Variants in TARS2 observed in about 807,000 individuals in gnomAD.
TARS2 encodes the protein threonyl-tRNA synthetase 2, mitochondrial.
In TARS2, 61 loss-of-function variants were observed where a neutral mutation model predicts 94.4. The observed-to-expected ratio is 0.65, with a 90% CI of 0.53 to 0.80. TARS2 has a LOEUF of 0.80. Among genes scored for constraint, TARS2 ranks in the 30% least tolerant of loss-of-function variants. TARS2 has a pLI of 0.00. For missense variants in TARS2, 704 were observed against 902.5 expected, an observed-to-expected ratio of 0.78 and a Z score of 2.82; for synonymous variants, 359 against 353.4, an observed-to-expected ratio of 1.02 and a Z score of -0.18.
At chr1:150,499,916 T>C (rs1039367399) in intron 13 of TARS2, among the ~76,000 whole-genome samples, 1 of 151,638 alleles carries the variant, frequency 6.6e-6, no homozygotes, top group African/African-American at 2.4e-5. Context: ...AAAGATGTGT[T>C]TCAGGAGGGA....
intron 7 of TARS2, among the ~76,000 whole-genome samples, chr1:150,495,185 G>GA (rs1391949722): frequency 2.0e-4 from 25 of 123,862 alleles, no homozygotes; most frequent in Middle Eastern, 4.5e-3. Flanking sequence ...CTCAAAAAAA[G>GA]AAAAAAAAAA....
intron 10 of TARS2, among the ~76,000 whole-genome samples, chr1:150,498,021 A>C (rs1018785652): frequency 3.4e-5 from 5 of 149,224 alleles, no homozygotes; most frequent in African/African-American, 1.2e-4. Flanking sequence ...TGAACCCAGG[A>C]GGTGGAGCTT....
In TARS2 at chr1:150,497,543, A is replaced by C; in HGVS notation, c.1034A>C (p.His345Pro). The C allele has an allele frequency of 6.2e-7, 1 of 1,614,082 alleles. No homozygotes were observed. Among genetic ancestry groups the C allele is most frequent in the Non-Finnish European group, 8.5e-7 (1 of 1,180,008 alleles). Residue 345 changes from histidine (H) to proline (P), a missense_variant, in exon 10 of 18, where the codon CAT (histidine) becomes CCT (proline). By Grantham distance (77) the His-to-Pro change is moderately conservative. Transcript: ENST00000369064. ...CCTCCTCTCCAGGCTGAGTATGCCCATCGTGGTTTCTCCGAGGTGAAAACT... is the reference window on the plus strand; with the variant it reads ...CCTCCTCTCCAGGCTGAGTATGCCCCTCGTGGTTTCTCCGAGGTGAAAACT... ...LVAFIRAEYA[H>P]RGFSEVKTPT...
At position 150,492,809 on chromosome 1, in the gene TARS2, C is replaced by CAAAAA. The variant is rs750302051; in HGVS notation, c.774+335_774+339dup. 8.9e-5 allele frequency among the ~76,000 whole-genome samples: 6 copies of CAAAAA among 67,276 alleles called. 1 individual carries two copies. Among genetic ancestry groups the CAAAAA allele is most frequent in the Non-Finnish European group, 1.5e-4 (5 of 33,780 alleles). The allele number at this position is 67,276 out of a possible 152,430, so 44.1% of individuals were successfully genotyped here. On this transcript the variant is annotated intron_variant, in intron 7 of 17. Coordinates refer to ENST00000369064, the MANE Select transcript of TARS2 (RefSeq NM_025150.5). Reference sequence around the variant, plus strand: ...TGGGCAACAGAGCGAGAGTCCATCTCAAAAAAAAAAAAAAAAAAATTCCTG... The same window carrying CAAAAA: ...TGGGCAACAGAGCGAGAGTCCATCTCAAAAAAAAAAAAAAAAAAAAAAAATTCCTG...
chr1:150,498,519 G>C lies in TARS2; in HGVS notation c.1256G>C (p.Arg419Pro), dbSNP rs201748553. The C allele has an allele frequency of 1.3e-6, 2 of 1,585,682 alleles. No homozygotes were observed. The highest frequency in any genetic ancestry group is 1.7e-6 in the Non-Finnish European group (2 of 1,169,326). The change falls in exon 11 of 18, where the codon CGG (arginine) becomes CCG (proline). Residue 419 changes from arginine (R) to proline (P), a missense_variant. Physicochemically the swap from Arg to Pro is moderately radical, Grantham distance 103. Transcript: ENST00000369064. ...AACCTCAGCCTGATGTTCGCCCACC[G>C]GCCCAGATCCTGGCGGGAACTGCCC... ...CPAHCLMFAHRPRSWRELPLR... is the reference protein window; with the variant it reads ...CPAHCLMFAHPPRSWRELPLR...
intron 2 of TARS2, chr1:150,488,659 G>T: frequency 4.0e-6 from 1 of 252,646 alleles, no homozygotes; most frequent in Non-Finnish European, 7.7e-6. Flanking sequence ...CTTTGTGTTG[G>T]GACTATTTCA....
At chr1:150,503,902 C>CAA (rs1285986585) in intron 13 of TARS2, among the ~76,000 whole-genome samples, 7 of 63,746 alleles carry the variant, frequency 1.1e-4, no homozygotes, top group East Asian at 5.1e-4. Context: ...GACTCTGTCT[C>CAA]AAAAAAAAAA....
intron 13 of TARS2, among the ~76,000 whole-genome samples, chr1:150,503,631 A>ACG (rs1560257526): frequency 1.4e-4 from 11 of 79,576 alleles, no homozygotes; most frequent in African/African-American, 3.6e-4. Flanking sequence ...GTGTGTATAT[A>ACG]TGTGTGTGTA....
intron 13 of TARS2, among the ~76,000 whole-genome samples, chr1:150,503,555 G>A (rs1475100695): frequency 0.024 from 2,259 of 94,536 alleles, 80 homozygotes; most frequent in African/African-American, 0.083. Context: ...ATGTGTGTGT[G>A]TGTGTGTGTG....
rs1669479548 is a variant in TARS2 at position 150,493,088 on chromosome 1, G to A, written c.774+599G>A. Among the ~76,000 whole-genome samples the A allele has an allele frequency of 2.0e-5, 3 of 152,022 alleles. No individual in the cohort carries two copies. The South Asian group carries it at 6.2e-4, about 32-fold the overall frequency. On this transcript the variant is annotated intron_variant, in intron 7 of 17. Coordinates refer to ENST00000369064, the MANE Select transcript of TARS2 (RefSeq NM_025150.5). ...AGTAGAGACAGGGTTTCACCATGTT[G>A]GCCAGGGTGATCTCAAGTGATCTTC... is the stretch of plus-strand genomic sequence containing the variant.
Position 150,506,962 on chromosome 1 carries a change from T to G in TARS2, c.2055T>G (p.Thr685=), listed in dbSNP as rs752411440. The change falls in exon 18 of 18, where the codon ACT becomes ACG. Residue 685 remains threonine, a synonymous_variant. Transcript: ENST00000369064. Reference sequence around the variant, plus strand: ...GTAAGAGAACAGTGAACATTCGGACTCGAGATAATCGTCGCCTTGGGGAGT... The same window carrying G: ...GTAAGAGAACAGTGAACATTCGGACGCGAGATAATCGTCGCCTTGGGGAGT... ...EQSKRTVNIR[T]RDNRRLGEWD... 2 of 1,614,126 alleles carry G rather than the reference T, an allele frequency of 1.2e-6. No individual in the cohort carries two copies. Among genetic ancestry groups the G allele is most frequent in the Admixed American group, 1.7e-5 (1 of 60,008 alleles).
chr1:150,494,271 G>T (rs951936913), intron 7 of TARS2, among the ~76,000 whole-genome samples: 1 of 151,532 alleles, frequency 6.6e-6, no homozygotes, highest in African/African-American at 2.4e-5. Flanking sequence ...AAAGGCTGAG[G>T]CAGGAGAGTC....
rs780971130 is a variant in TARS2, at chr1:150,499,307, C to G, written c.1617+14C>G. 1.2e-6 allele frequency: 2 copies of G among 1,612,782 alleles called. No homozygotes were observed. Among genetic ancestry groups the G allele is most frequent in the Admixed American group, 1.7e-5 (1 of 59,902 alleles). On this transcript the variant is annotated intron_variant, in intron 13 of 17. Transcript: ENST00000369064. ...TATGGACCTAAGGTAAGCTTGGGAC[C>G]CTGGTTAGTGTTGTATTTATTTATT...
chr1:150,504,942 C>A lies in TARS2; in HGVS notation c.1857C>A (p.Ile619=). The A allele has an allele frequency of 6.2e-7, 1 of 1,614,184 alleles. No homozygotes were observed. Among genetic ancestry groups the A allele is most frequent in the Non-Finnish European group, 8.5e-7 (1 of 1,180,046 alleles). ...LWLSPFQVVV[I]PVGSEQEEYA... is the part of the protein sequence containing the mutation. ...TGTCCCCGTTCCAGGTGGTGGTCAT[C>A]CCTGTGGGGAGTGAGCAAGAGGAAT... The change falls in exon 16 of 18, where the codon ATC becomes ATA. Residue 619 remains isoleucine, a synonymous_variant. Coordinates refer to ENST00000369064, the MANE Select transcript of TARS2 (RefSeq NM_025150.5).
intron 17 of TARS2, among the ~76,000 whole-genome samples, chr1:150,506,574 GACACACACACACACAC>G (rs59687878): frequency 1.8e-5 from 2 of 109,050 alleles, no homozygotes; most frequent in Non-Finnish European, 3.9e-5. Flanking sequence ...TAATGTCTCT[GACACACACACACACAC>G]ACACACACAC....
At chr1:150,498,351 G>A (rs1669761947) in intron 10 of TARS2, 151 bp from the exon 11 acceptor site, 8 of 879,978 alleles carry the variant, frequency 9.1e-6, no homozygotes, top group Non-Finnish European at 1.3e-5. Context: ...GTGATGAGTG[G>A]GATTGACAGG....
chr1:150,506,463 A>C, intron 17 of TARS2, among the ~76,000 whole-genome samples: 1 of 138,826 alleles, frequency 7.2e-6, no homozygotes. Flanking sequence ...ACTTGCTCTA[A>C]TACCCCCTTC....
intron 7 of TARS2, among the ~76,000 whole-genome samples, chr1:150,495,378 G>A (rs1669616931): frequency 1.3e-5 from 2 of 151,486 alleles, no homozygotes; most frequent in South Asian, 4.2e-4. Flanking sequence ...CATTAGTACT[G>A]TTTAACAGTT....
chr1:150,498,915 A>C lies in TARS2; in HGVS notation c.1420A>C (p.Ser474Arg). 1 of 1,614,194 alleles carries C rather than the reference A, an allele frequency of 6.2e-7. No homozygotes were observed. The highest frequency in any genetic ancestry group is 8.5e-7 in the Non-Finnish European group (1 of 1,180,048). ...CCCCTAGCTGGAAGCAGAGATCCAAAGCTGTCTTGATTTCCTCCGTTCCGT... is the reference window on the plus strand; with the variant it reads ...CCCCTAGCTGGAAGCAGAGATCCAACGCTGTCTTGATTTCCTCCGTTCCGT... ...TTDQLEAEIQ[S>R]CLDFLRSVYA... Residue 474 changes from serine (S) to arginine (R), a missense_variant, in exon 12 of 18, where the codon AGC becomes CGC. Transcript: ENST00000369064.
Sources: allele counts gnomAD v4.1 joint callset (sites outside exome capture counted in the v4.1 genomes callset), GRCh38; gene constraint gnomAD v4.1.1; transcripts MANE v1.5; gene names NCBI Gene and HGNC (gene_info 2026-07-23, HGNC 2026-07-21).